EYS: variants seen among roughly 807,000 people sequenced by gnomAD.
EYS encodes EGF-like photoreceptor maintenance factor.
Under a neutral mutation model 282.1 loss-of-function variants are expected in EYS, and 250 were observed. The observed-to-expected ratio is 0.89, with a 90% CI of 0.80 to 0.98. EYS has a LOEUF of 0.98. EYS is among the 50% of genes least tolerant of loss of function. The probability of loss-of-function intolerance (pLI) is 0.00; values close to 1 mark genes in which losing one functional copy is unlikely to be tolerated. For synonymous variants in EYS, 1,355 were observed against 1,282.9 expected (o/e 1.06, Z -1.20); for missense variants, 4,016 against 3,709.0 (o/e 1.08, Z -2.15).
At chr6:65,149,776 C>T (rs565212103) in intron 12 of EYS, among the ~76,000 whole-genome samples, 5 of 152,250 alleles carry the variant, frequency 3.3e-5, no homozygotes, top group South Asian at 4.1e-4. Flanking sequence ...TATAGCATTG[C>T]CCCATTACCT....
At chr6:65,306,773 C>CAGTGA (rs554866825) in intron 11 of EYS, among the ~76,000 whole-genome samples, 5,460 of 110,090 alleles carry the variant, frequency 0.05, 30 homozygotes, top group Middle Eastern at 0.12. Flanking sequence ...GCGGAGGTTG[C>CAGTGA]AGTGAGCTGA....
chr6:64,851,968 T>C (rs1158827289), intron 19 of EYS, among the ~76,000 whole-genome samples: 1 of 151,954 alleles, frequency 6.6e-6, no homozygotes, highest in Non-Finnish European at 1.5e-5. Context: ...CCCCCGAACA[T>C]AAATTGAAAG....
intron 26 of EYS, among the ~76,000 whole-genome samples, chr6:64,565,045 T>C (rs1223618860): frequency 1.3e-5 from 2 of 152,314 alleles, no homozygotes; most frequent in African/African-American, 4.8e-5. Context: ...CTTTCTTATG[T>C]ATTTTGGATG....
chr6:65,538,906 G>A (rs940821616), intron 2 of EYS, among the ~76,000 whole-genome samples: 11 of 152,054 alleles, frequency 7.2e-5, no homozygotes, highest in Admixed American at 7.2e-4. Context: ...AAAGATATAT[G>A]CCATCCTCAG....
At chr6:64,030,173 GAA>G in intron 33 of EYS, among the ~76,000 whole-genome samples, 1 of 152,054 alleles carries the variant, frequency 6.6e-6, no homozygotes, top group Non-Finnish European at 1.5e-5. Context: ...CAGAGACAAA[GAA>G]AAGGAGTCAG....
intron 2 of EYS, among the ~76,000 whole-genome samples, chr6:65,598,682 T>C (rs1348402523): frequency 2.6e-5 from 4 of 152,112 alleles, no homozygotes; most frequent in Non-Finnish European, 4.4e-5. Flanking sequence ...GTTCCATACT[T>C]GAGTAGACTA....
intron 12 of EYS, among the ~76,000 whole-genome samples, chr6:65,241,117 T>C (rs969889638): frequency 6.6e-6 from 1 of 152,172 alleles, no homozygotes; most frequent in African/African-American, 2.4e-5. Flanking sequence ...ATTTTGAAAT[T>C]AGACTTACAT....
chr6:64,924,647 T>G (rs2150083588), intron 15 of EYS, among the ~76,000 whole-genome samples: 1 of 152,336 alleles, frequency 6.6e-6, no homozygotes, highest in South Asian at 2.1e-4. Flanking sequence ...GCCTTGCTGC[T>G]TAGAAATTTC....
At chr6:63,889,564 C>A (rs1242671537) in intron 35 of EYS, among the ~76,000 whole-genome samples, 2 of 152,240 alleles carry the variant, frequency 1.3e-5, no homozygotes, top group Admixed American at 1.3e-4. Context: ...TACAGACAAG[C>A]AAATGCTGAA....
intron 12 of EYS, among the ~76,000 whole-genome samples, chr6:65,236,916 T>G (rs1383188524): frequency 6.6e-6 from 1 of 152,204 alleles, no homozygotes; most frequent in East Asian, 1.9e-4. Flanking sequence ...ATGTGGTTTC[T>G]GCTTATGTGA....
At chr6:64,788,417 A>G (rs1370028629) in intron 22 of EYS, among the ~76,000 whole-genome samples, 3 of 151,938 alleles carry the variant, frequency 2.0e-5, no homozygotes, top group Non-Finnish European at 1.5e-5. Flanking sequence ...TCCACACGGC[A>G]CTCCCATCTC....
chr6:64,729,285 A>G (rs1771876618), intron 22 of EYS, among the ~76,000 whole-genome samples: 1 of 152,180 alleles, frequency 6.6e-6, no homozygotes, highest in Non-Finnish European at 1.5e-5. Context: ...CCCAAGTGAG[A>G]TAAATTATAT....
At chr6:64,434,341 T>A (rs1774669754) in intron 28 of EYS, among the ~76,000 whole-genome samples, 1 of 152,098 alleles carries the variant, frequency 6.6e-6, no homozygotes, top group African/African-American at 2.4e-5. Flanking sequence ...GTCTGCCACT[T>A]TGTTATGGCA....
intron 12 of EYS, among the ~76,000 whole-genome samples, chr6:65,199,700 G>T (rs1421945996): frequency 6.6e-6 from 1 of 152,094 alleles, no homozygotes; most frequent in African/African-American, 2.4e-5. Flanking sequence ...GTTCCATCTT[G>T]GAGAGATAGT....
chr6:64,635,317 C>T (rs2149865758), intron 22 of EYS, among the ~76,000 whole-genome samples: 1 of 152,230 alleles, frequency 6.6e-6, no homozygotes, highest in African/African-American at 2.4e-5. Context: ...CCTTTATTTC[C>T]TTCTCCCGCC....
At chr6:64,651,179 T>C (rs953471186) in intron 22 of EYS, among the ~76,000 whole-genome samples, 1 of 152,178 alleles carries the variant, frequency 6.6e-6, no homozygotes, top group Admixed American at 6.5e-5. Context: ...GATAGATAAA[T>C]GCTTACAGAA....
intron 41 of EYS, among the ~76,000 whole-genome samples, chr6:63,758,906 A>T (rs1219253888): frequency 6.6e-6 from 1 of 152,054 alleles, no homozygotes; most frequent in Non-Finnish European, 1.5e-5. Context: ...GACCTGCCTG[A>T]GGGGAAGTAG....
intron 33 of EYS, among the ~76,000 whole-genome samples, chr6:64,023,306 T>C (rs972009737): frequency 6.6e-6 from 1 of 152,272 alleles, no homozygotes; most frequent in African/African-American, 2.4e-5. Flanking sequence ...GCTATGAACA[T>C]TGACATATAA....
At chr6:64,415,045 A>C (rs968255624) in intron 28 of EYS, among the ~76,000 whole-genome samples, 3 of 152,210 alleles carry the variant, frequency 2.0e-5, no homozygotes, top group African/African-American at 2.4e-5. Context: ...TATAAAATCC[A>C]GTGCAAAAAT....
Sources: gnomAD v4.1 joint callset for allele counts (sites outside exome capture counted in the v4.1 genomes callset) on GRCh38, gnomAD v4.1.1 for gene constraint, MANE v1.5 for transcripts, NCBI Gene and HGNC (gene_info 2026-07-23, HGNC 2026-07-21) for gene names.